The following CNTLN variants were observed in gnomAD, a reference collection of about 807,000 sequenced individuals.
CNTLN encodes the protein centlein, also known as centlein, centrosomal protein.
Under a neutral mutation model 180.0 loss-of-function variants are expected in CNTLN, and 212 were observed. The ratio of observed to expected loss-of-function variants is 1.18; its 90% confidence interval spans 1.05 to 1.32. The LOEUF (loss-of-function observed/expected upper bound fraction) is 1.32, where lower values mean the gene tolerates loss of function less well. Ranked by LOEUF, CNTLN falls within the 40% of genes most tolerant of loss-of-function variation. The pLI is 0.00. For synonymous variants in CNTLN, 722 were observed against 563.1 expected (o/e 1.28, Z -3.99); for missense variants, 2,095 against 1,610.9 (o/e 1.30, Z -5.14).
intron 5 of CNTLN, among the ~76,000 whole-genome samples, chr9:17,256,784 T>A (rs917073239): frequency 1.3e-5 from 2 of 151,854 alleles, no homozygotes; most frequent in Admixed American, 1.3e-4. Context: ...GGGGATTTCT[T>A]TATCCAGTTT....
intron 2 of CNTLN, among the ~76,000 whole-genome samples, chr9:17,213,634 C>T (rs923793069): frequency 2.0e-5 from 3 of 152,154 alleles, no homozygotes; most frequent in South Asian, 2.1e-4. Flanking sequence ...ACTCGTTGGT[C>T]TGTCTAATGT....
At chr9:17,457,413 C>T in intron 18 of CNTLN, 111 bp from the exon 19 acceptor site, 2 of 583,302 alleles carry the variant, frequency 3.4e-6, no homozygotes, top group Non-Finnish European at 5.0e-6. Flanking sequence ...TAATTAATTT[C>T]AGTTCTCTTT....
At chr9:17,136,286 A>G (rs759492126) in intron 1 of CNTLN, among the ~76,000 whole-genome samples, 1 of 152,202 alleles carries the variant, frequency 6.6e-6, no homozygotes, top group African/African-American at 2.4e-5. Context: ...TTAGAAACCA[A>G]TTAGGAGCTG....
chr9:17,249,354 G>GAGCT (rs1825996035), intron 5 of CNTLN, among the ~76,000 whole-genome samples: 1 of 99,122 alleles, frequency 1.0e-5, no homozygotes. Context: ...TGTTTTTTTT[G>GAGCT]TTTTTTTTTT....
intron 12 of CNTLN, among the ~76,000 whole-genome samples, chr9:17,360,782 C>A (rs572438637): frequency 6.6e-6 from 1 of 152,178 alleles, no homozygotes; most frequent in African/African-American, 2.4e-5. Flanking sequence ...ATAGAAGATG[C>A]TTTGCATGAT....
Position 17,462,943 on chromosome 9 carries a change from T to C in CNTLN, c.3334T>C (p.Ser1112Pro), listed in dbSNP as rs1378065488. Residue 1112 changes from serine to proline, a missense_variant, in exon 20 of 26, where the codon TCA (serine) becomes CCA (proline). Physicochemically the swap from Ser to Pro is moderately conservative, Grantham distance 74 (BLOSUM62 -1). Coordinates refer to ENST00000380647, the MANE Select transcript of CNTLN (RefSeq NM_017738.4). The part of the protein sequence containing the change: ...KNATNELTKQ[S>P]SNVKTLKFEL... ...TGCTACTAATGAACTCACTAAACAGTCATCAAATGTGAAGACTTTGAAATT... is the reference window on the plus strand; with the variant it reads ...TGCTACTAATGAACTCACTAAACAGCCATCAAATGTGAAGACTTTGAAATT... The C allele has an allele frequency of 2.5e-6, 4 of 1,577,360 alleles. No homozygotes were observed. The highest frequency in any genetic ancestry group is 3.4e-6 in the Non-Finnish European group (4 of 1,164,782).
At position 17,306,988 on chromosome 9, in the gene CNTLN, G is replaced by A. The variant is rs568065725; in HGVS notation, c.1147-2070G>A. On this transcript the variant is annotated intron_variant, in intron 7 of 25. Coordinates refer to ENST00000380647, the MANE Select transcript of CNTLN (RefSeq NM_017738.4). ...TTCTACCCTAAACCCAGTTATGAGA[G>A]CAGCAGCACAGTACAAGTAGGCACG... Among the ~76,000 whole-genome samples the A allele has an allele frequency of 2.9e-4, 44 of 152,194 alleles. 1 individual carries two copies. Among genetic ancestry groups the A allele is most frequent in the African/African-American group, 1.0e-3 (43 of 41,538 alleles).
intron 5 of CNTLN, among the ~76,000 whole-genome samples, chr9:17,261,026 G>A (rs1432716266): frequency 2.0e-5 from 3 of 151,110 alleles, no homozygotes; most frequent in African/African-American, 7.4e-5. Flanking sequence ...CTGTTCCATT[G>A]GTCTCTGTGT....
intron 18 of CNTLN, among the ~76,000 whole-genome samples, chr9:17,434,804 A>G (rs977908850): frequency 5.3e-5 from 8 of 151,940 alleles, no homozygotes; most frequent in Non-Finnish European, 1.2e-4. Context: ...TTCCTGAAGG[A>G]TATAGAATTT....
At chr9:17,178,391 T>C (rs1269282390) in intron 2 of CNTLN, among the ~76,000 whole-genome samples, 3 of 152,220 alleles carry the variant, frequency 2.0e-5, no homozygotes, top group African/African-American at 4.8e-5. Context: ...AGCTGCCTGC[T>C]AGTCCCGTGC....
chr9:17,356,478 C>A (rs957656029), intron 12 of CNTLN, among the ~76,000 whole-genome samples: 1 of 152,132 alleles, frequency 6.6e-6, no homozygotes, highest in African/African-American at 2.4e-5. Flanking sequence ...TCTGATGCAA[C>A]ATGACTTATA....
intron 5 of CNTLN, among the ~76,000 whole-genome samples, chr9:17,262,055 T>G (rs955848679): frequency 1.3e-5 from 2 of 151,386 alleles, no homozygotes; most frequent in African/African-American, 4.9e-5. Context: ...GAACAGCGAT[T>G]ATTAAAAAGT....
chr9:17,347,423 C>G (rs1455090625), intron 12 of CNTLN, among the ~76,000 whole-genome samples: 3 of 152,056 alleles, frequency 2.0e-5, no homozygotes, highest in Non-Finnish European at 2.9e-5. Flanking sequence ...AATCCCAGCA[C>G]TTTGGGAGGC....
intron 13 of CNTLN, among the ~76,000 whole-genome samples, chr9:17,387,240 C>A (rs926402488): frequency 1.3e-5 from 2 of 152,088 alleles, no homozygotes; most frequent in African/African-American, 4.8e-5. Flanking sequence ...TTTACACTGA[C>A]CTACAGCAGC....
intron 2 of CNTLN, among the ~76,000 whole-genome samples, chr9:17,182,922 T>C (rs1317534720): frequency 6.6e-6 from 1 of 152,178 alleles, no homozygotes; most frequent in Non-Finnish European, 1.5e-5. Context: ...TTGAGATAGA[T>C]TCTAGTGCGT....
intron 7 of CNTLN, chr9:17,299,025 C>G (rs886378399): frequency 2.9e-6 from 2 of 683,426 alleles, no homozygotes; most frequent in Admixed American, 6.3e-5. Flanking sequence ...GGGCGAATCA[C>G]AAGGTCAAGA....
intron 5 of CNTLN, among the ~76,000 whole-genome samples, chr9:17,273,117 G>C (rs915154105): frequency 3.3e-5 from 5 of 151,828 alleles, no homozygotes; most frequent in Admixed American, 2.6e-4. Context: ...CTTTGCAAAA[G>C]TAATTAAAAT....
intron 2 of CNTLN, among the ~76,000 whole-genome samples, chr9:17,169,799 T>C (rs1330577040): frequency 6.6e-6 from 1 of 152,208 alleles, no homozygotes; most frequent in East Asian, 1.9e-4. Context: ...TTGATTACTA[T>C]AGCTTTGTAA....
chr9:17,144,813 A>AT (rs930040918), intron 2 of CNTLN, among the ~76,000 whole-genome samples: 7 of 150,768 alleles, frequency 4.6e-5, no homozygotes, highest in African/African-American at 1.5e-4. Context: ...GAATTTATTT[A>AT]TTTATTTTAT....
Sources: gnomAD v4.1 joint callset for allele counts (sites outside exome capture counted in the v4.1 genomes callset) on GRCh38, gnomAD v4.1.1 for gene constraint, MANE v1.5 for transcripts, NCBI Gene and HGNC (gene_info 2026-07-23, HGNC 2026-07-21) for gene names.